TMX4: variants seen among roughly 807,000 people sequenced by gnomAD.
The protein encoded by TMX4 is thioredoxin related transmembrane protein 4, also known as thioredoxin-related transmembrane protein 4.
TMX4 carries 23 observed loss-of-function variants against 33.3 expected under a neutral mutation model. That is an observed-to-expected ratio of 0.69 (90% CI 0.50 to 0.98). TMX4 has a LOEUF of 0.98. TMX4 is among the 50% of genes least tolerant of loss of function. The pLI is 0.00. For missense variants in TMX4, 399 were observed against 448.9 expected (o/e 0.89, Z 1.01); for synonymous variants, 164 against 161.5 (o/e 1.02, Z -0.12).
At position 8,018,512 on chromosome 20, in the gene TMX4, G is replaced by GCA. The variant is rs1568541304; in HGVS notation, c.176+925_176+926insTG. Among the ~76,000 whole-genome samples, 628 of 49,526 alleles carry GCA rather than the reference G, an allele frequency of 0.013. 160 individuals are homozygous for GCA. The African/African-American group carries it at 0.13, about 10-fold the overall frequency. 32.5% of individuals were successfully genotyped at this position (49,526 alleles called of 152,430 possible). ...AGAGAGAGAGAGAGAGAGAGAGAGA[G>GCA]AGAGAGAGAGAGAGAGTCTGCAAGC... On this transcript the variant is annotated intron_variant, in intron 1 of 7. Coordinates refer to ENST00000246024, the MANE Select transcript of TMX4 (RefSeq NM_021156.4).
In TMX4 at chr20:7,977,546, G is replaced by C. The variant is rs1268904907; in HGVS notation, c.*4705C>G. ...AGGATCAGGGATTATATACAATACT[G>C]TGATCAAGTGATTTGTGATTCAGGC... On this transcript the variant is annotated 3_prime_UTR_variant, in exon 8 of 8. Transcript: ENST00000246024. 6.6e-6 allele frequency: 1 copy of C among 152,144 alleles called. No individual in the cohort carries two copies. The highest frequency in any genetic ancestry group is 2.1e-4 in the South Asian group (1 of 4,836). The allele number at this position is 152,144 out of a possible 1,614,324, so 9.4% of individuals were successfully genotyped here. A position where few individuals can be genotyped will look rare whatever the true frequency, so the allele number is the denominator to read the frequency against.
At chr20:7,999,641 A>G in intron 4 of TMX4, 91 bp downstream of exon 4, 1 of 1,401,784 alleles carries the variant, frequency 7.1e-7, no homozygotes, top group South Asian at 1.4e-5. Context: ...GTAAATGTGA[A>G]GTAAAACATA....
intron 5 of TMX4, among the ~76,000 whole-genome samples, chr20:7,991,055 G>GT (rs1447912122): frequency 4.1e-4 from 62 of 152,238 alleles, no homozygotes; most frequent in African/African-American, 1.4e-3. Context: ...AATACACTTT[G>GT]TTCTTCTCTA....
At chr20:8,017,062 T>C (rs558246648) in intron 1 of TMX4, among the ~76,000 whole-genome samples, 2 of 152,172 alleles carry the variant, frequency 1.3e-5, no homozygotes, top group African/African-American at 2.4e-5. Flanking sequence ...TCTAGTGGTA[T>C]GGAGGATATA....
intron 4 of TMX4, among the ~76,000 whole-genome samples, chr20:7,997,886 G>A (rs867188011): frequency 2.6e-5 from 4 of 152,126 alleles, no homozygotes; most frequent in African/African-American, 4.8e-5. Context: ...TCATGGGGGC[G>A]GATTCTCATG....
At chr20:8,013,039 A>G (rs2050759092) in intron 1 of TMX4, among the ~76,000 whole-genome samples, 1 of 152,094 alleles carries the variant, frequency 6.6e-6, no homozygotes, top group Non-Finnish European at 1.5e-5. Context: ...AAGAACAGTA[A>G]TTTGTATAAG....
In TMX4 at chr20:7,981,860, C is replaced by T. The variant is rs558931590; in HGVS notation, c.*391G>A. 29 of 174,790 alleles carry T rather than the reference C, an allele frequency of 1.7e-4. No homozygotes were observed. Among genetic ancestry groups the T allele is most frequent in the Non-Finnish European group, 3.3e-4 (27 of 82,696 alleles). 10.8% of individuals were successfully genotyped at this position (174,790 alleles called of 1,614,324 possible). On this transcript the variant is annotated 3_prime_UTR_variant, in exon 8 of 8. Transcript: ENST00000246024. ...ACAAGAAAAGGATGCAAGGCTTCTACGTTACACTTTGGGGATGCTCAGGAG... is the reference window on the plus strand; with the variant it reads ...ACAAGAAAAGGATGCAAGGCTTCTATGTTACACTTTGGGGATGCTCAGGAG...
intron 1 of TMX4, among the ~76,000 whole-genome samples, chr20:8,016,299 G>A (rs909799801): frequency 4.6e-5 from 7 of 152,270 alleles, no homozygotes; most frequent in African/African-American, 1.4e-4. Flanking sequence ...TTGAGCCCGG[G>A]AGGCAGAGGG....
rs1336901655 is a variant in TMX4 at position 7,999,733 on chromosome 20, T to A, written c.466A>T (p.Thr156Ser). ...CCTTGTCTTAAAAAATTGAGTTACG[T>A]TAGAGAAGCCGGGGATTTCCAGCCA... ...LTGWKSPASL[T>S]MSGMAGLFSI... Residue 156 changes from threonine (T) to serine (S), a missense_variant and splice_region_variant, in exon 4 of 8, where the codon ACG (threonine) becomes TCG (serine). Coordinates refer to ENST00000246024, the MANE Select transcript of TMX4 (RefSeq NM_021156.4). 6.2e-7 allele frequency: 1 copy of A among 1,610,542 alleles called. No homozygotes were observed. Among genetic ancestry groups the A allele is most frequent in the Admixed American group, 1.7e-5 (1 of 59,140 alleles).
intron 5 of TMX4, among the ~76,000 whole-genome samples, chr20:7,987,820 C>T (rs1475357967): frequency 6.6e-6 from 1 of 152,050 alleles, no homozygotes; most frequent in Non-Finnish European, 1.5e-5. Context: ...GTCTCCATAC[C>T]TCTTTTTCCT....
intron 5 of TMX4, among the ~76,000 whole-genome samples, chr20:7,991,661 T>A (rs1286730517): frequency 1.3e-5 from 2 of 152,130 alleles, no homozygotes; most frequent in African/African-American, 4.8e-5. Flanking sequence ...GCTAAAAAAA[T>A]TAACAAAAGT....
intron 2 of TMX4, 101 bp downstream of exon 2, chr20:8,010,099 G>T: frequency 3.3e-6 from 3 of 896,730 alleles, no homozygotes; most frequent in Non-Finnish European, 5.3e-6. Flanking sequence ...CAGTTCATGG[G>T]TAATCAATAT....
intron 1 of TMX4, chr20:8,018,879 A>C: frequency 3.2e-6 from 1 of 314,928 alleles, no homozygotes; most frequent in Non-Finnish European, 6.2e-6. Context: ...TTATTCTCAC[A>C]ATGACATCTC....
chr20:8,003,291 G>T (rs1038279540), intron 2 of TMX4, among the ~76,000 whole-genome samples: 20 of 152,036 alleles, frequency 1.3e-4, no homozygotes, highest in African/African-American at 4.8e-4. Context: ...TCATTTGTAT[G>T]TTTTTTTAAA....
intron 5 of TMX4, among the ~76,000 whole-genome samples, chr20:7,988,688 GGCACTGGTCATCAGT>G (rs1200402524): frequency 6.6e-6 from 1 of 152,184 alleles, no homozygotes; most frequent in African/African-American, 2.4e-5. Flanking sequence ...CTCTGTTGAT[GGCACTGGTCATCAGT>G]GTGTGTTTAG....
chr20:7,989,459 T>C (rs2050644949), intron 5 of TMX4, among the ~76,000 whole-genome samples: 1 of 152,242 alleles, frequency 6.6e-6, no homozygotes. Flanking sequence ...TTAAATCATT[T>C]GCTTTTGAAG....
At position 8,001,548 on chromosome 20, in the gene TMX4, G is replaced by T; in HGVS notation, c.293-7C>A. 6.3e-7 allele frequency: 1 copy of T among 1,597,524 alleles called. No homozygotes were observed. Among genetic ancestry groups the T allele is most frequent in the Non-Finnish European group, 8.5e-7 (1 of 1,169,898 alleles). On this transcript the variant is annotated splice_polypyrimidine_tract_variant and splice_region_variant and intron_variant, in intron 2 of 7. Coordinates refer to ENST00000246024, the MANE Select transcript of TMX4 (RefSeq NM_021156.4). ...AAGAAGCGGCCACTCAAACCTACAA[G>T]AAGCATAAACAGAACAAAAGTTACA...
At chr20:7,991,316 A>AT (rs1227507330) in intron 5 of TMX4, among the ~76,000 whole-genome samples, 1 of 152,244 alleles carries the variant, frequency 6.6e-6, no homozygotes, top group African/African-American at 2.4e-5. Flanking sequence ...AACAAATCCA[A>AT]TAAAAAATGC....
chr20:8,018,527 A>ATCAT lies in TMX4; in HGVS notation c.176+910_176+911insATGA, dbSNP rs2050793662. Among the ~76,000 whole-genome samples, 3 of 36,066 alleles carry ATCAT rather than the reference A, an allele frequency of 8.3e-5. 1 individual carries two copies. The highest frequency in any genetic ancestry group is 1.3e-3 in the African/African-American group (2 of 1,494). 23.7% of individuals were successfully genotyped at this position (36,066 alleles called of 152,430 possible). ...GAGAGAGAGAGAGAGAGAGAGAGAG[A>ATCAT]GTCTGCAAGCCCACCATGATGGTCT... On this transcript the variant is annotated intron_variant, in intron 1 of 7. Coordinates refer to ENST00000246024, the MANE Select transcript of TMX4 (RefSeq NM_021156.4).
Sources: gnomAD v4.1 joint callset for allele counts (sites outside exome capture counted in the v4.1 genomes callset) on GRCh38, gnomAD v4.1.1 for gene constraint, MANE v1.5 for transcripts, NCBI Gene and HGNC (gene_info 2026-07-23, HGNC 2026-07-21) for gene names.